The following AIG1 variants were observed in gnomAD, a reference collection of about 807,000 sequenced individuals.
The protein encoded by AIG1 is androgen induced 1, also known as androgen-induced gene 1 protein.
A neutral mutation model predicts 31.4 loss-of-function variants in AIG1; 23 were observed. The observed-to-expected ratio is 0.73, with a 90% CI of 0.53 to 1.04. The LOEUF (loss-of-function observed/expected upper bound fraction) is 1.04. AIG1 is among the 50% of genes least tolerant of loss of function. The pLI is 0.00. For missense variants in AIG1, 274 were observed against 295.0 expected (o/e 0.93, Z 0.52); for synonymous variants, 100 against 110.5 (o/e 0.90, Z 0.60).
intron 1 of AIG1, among the ~76,000 whole-genome samples, chr6:143,102,679 G>A (rs1188307093): frequency 6.6e-6 from 1 of 151,104 alleles, no homozygotes; most frequent in African/African-American, 2.4e-5. Flanking sequence ...AAATAATAGT[G>A]GTTGATATTG....
rs544177252 is a variant in AIG1 at position 143,266,128 on chromosome 6, T to C, written c.400-17982T>C. Reference sequence around the variant, plus strand: ...ACTGTGGGAGGCCGAGGCAGGTGGATCACGAGGTCAGGAGTTCAAGACCAG... The same window carrying C: ...ACTGTGGGAGGCCGAGGCAGGTGGACCACGAGGTCAGGAGTTCAAGACCAG... On this transcript the variant is annotated intron_variant, in intron 3 of 5. Transcript: ENST00000357847. Among the ~76,000 whole-genome samples, 8 of 152,204 alleles carry C rather than the reference T, an allele frequency of 5.3e-5. No individual in the cohort carries two copies. In the South Asian group the frequency reaches 1.5e-3, roughly 28 times the overall value.
At chr6:143,142,657 G>A (rs1320794915) in intron 2 of AIG1, among the ~76,000 whole-genome samples, 2 of 152,040 alleles carry the variant, frequency 1.3e-5, no homozygotes, top group African/African-American at 2.4e-5. Flanking sequence ...TTAACTTTTC[G>A]GAAATTTGAC....
intron 1 of AIG1, among the ~76,000 whole-genome samples, chr6:143,073,941 G>A (rs1241478625): frequency 6.6e-6 from 1 of 152,172 alleles, no homozygotes; most frequent in East Asian, 1.9e-4. Context: ...CAACATTGGG[G>A]ATTACATTTC....
intron 3 of AIG1, among the ~76,000 whole-genome samples, chr6:143,199,891 G>C (rs576775035): frequency 6.6e-6 from 1 of 152,262 alleles, no homozygotes; most frequent in South Asian, 2.1e-4. Flanking sequence ...GAGTTTCCTG[G>C]ATTAGATATT....
chr6:143,147,415 T>A (rs1298128692), intron 2 of AIG1, among the ~76,000 whole-genome samples: 1 of 152,084 alleles, frequency 6.6e-6, no homozygotes, highest in Non-Finnish European at 1.5e-5. Flanking sequence ...TGCCACTTGA[T>A]CCTAAGGACA....
At chr6:143,178,267 A>G (rs1214492367) in intron 3 of AIG1, among the ~76,000 whole-genome samples, 1 of 152,180 alleles carries the variant, frequency 6.6e-6, no homozygotes, top group East Asian at 1.9e-4. Context: ...GGGATGTCCC[A>G]GGGACCCCAA....
At chr6:143,227,957 A>G (rs1793136546) in intron 3 of AIG1, among the ~76,000 whole-genome samples, 1 of 152,114 alleles carries the variant, frequency 6.6e-6, no homozygotes, top group African/African-American at 2.4e-5. Context: ...TACCTCCCTT[A>G]ACCTCCTCTC....
chr6:143,295,859 G>A (rs1343728231), intron 4 of AIG1, among the ~76,000 whole-genome samples: 1 of 152,030 alleles, frequency 6.6e-6, no homozygotes, highest in African/African-American at 2.4e-5. Flanking sequence ...AAGAGAATTA[G>A]CACTTCAAAT....
chr6:143,250,683 C>A (rs374183058), intron 3 of AIG1, among the ~76,000 whole-genome samples: 2 of 152,060 alleles, frequency 1.3e-5, no homozygotes, highest in African/African-American at 4.8e-5. Context: ...AGTGACGCCG[C>A]TACAAGCCAA....
intron 3 of AIG1, among the ~76,000 whole-genome samples, chr6:143,212,156 T>C (rs1791644441): frequency 6.6e-6 from 1 of 152,102 alleles, no homozygotes. Flanking sequence ...TCTCAAGACA[T>C]TGCTGAATGT....
chr6:143,324,419 T>C (rs963852997), intron 4 of AIG1, among the ~76,000 whole-genome samples: 1 of 152,338 alleles, frequency 6.6e-6, no homozygotes, highest in African/African-American at 2.4e-5. Flanking sequence ...AAAAAAACTT[T>C]ACAGGGAGAT....
rs1226963250 is a variant in AIG1, at chr6:143,278,849, CTA to C, written c.400-5260_400-5259del. 2.0e-5 allele frequency among the ~76,000 whole-genome samples: 3 copies of C among 152,134 alleles called. No homozygotes were observed. The East Asian group carries it at 5.8e-4, about 29-fold the overall frequency. Reference sequence around the variant, plus strand: ...CAGATAGGGGAGGCCTCAAAATAATCTAATAAGATTAATTCATTTTTATTGTA... The same window carrying C: ...CAGATAGGGGAGGCCTCAAAATAATCATAAGATTAATTCATTTTTATTGTA... On this transcript the variant is annotated intron_variant, in intron 3 of 5. Transcript: ENST00000357847.
At chr6:143,192,846 A>G (rs780942750) in intron 3 of AIG1, among the ~76,000 whole-genome samples, 2 of 152,242 alleles carry the variant, frequency 1.3e-5, no homozygotes, top group Non-Finnish European at 2.9e-5. Flanking sequence ...CAAATTTACA[A>G]GGAATAATGA....
chr6:143,198,510 A>G (rs1583484879), intron 3 of AIG1, among the ~76,000 whole-genome samples: 1 of 152,244 alleles, frequency 6.6e-6, no homozygotes, highest in Non-Finnish European at 1.5e-5. Context: ...TTTACATTCT[A>G]TCTTAAGATA....
chr6:143,236,377 G>T (rs959391152), intron 3 of AIG1, among the ~76,000 whole-genome samples: 10 of 152,232 alleles, frequency 6.6e-5, no homozygotes, highest in Non-Finnish European at 1.3e-4. Context: ...TCGTTGTTCT[G>T]GAGTCAGGAG....
chr6:143,207,253 C>T (rs1463033138), intron 3 of AIG1, among the ~76,000 whole-genome samples: 3 of 152,048 alleles, frequency 2.0e-5, no homozygotes, highest in African/African-American at 7.3e-5. Flanking sequence ...CATGTCCCAA[C>T]TATACAGTCC....
chr6:143,312,112 A>G (rs1367924845), intron 4 of AIG1, among the ~76,000 whole-genome samples: 1 of 152,108 alleles, frequency 6.6e-6, no homozygotes, highest in Non-Finnish European at 1.5e-5. Context: ...AAGAATAAAT[A>G]TTATTAAAAT....
chr6:143,304,786 G>A (rs1799124503), intron 4 of AIG1, among the ~76,000 whole-genome samples: 1 of 152,206 alleles, frequency 6.6e-6, no homozygotes, highest in East Asian at 1.9e-4. Flanking sequence ...GATTGGAATA[G>A]TTTCAGAAGG....
At chr6:143,269,793 C>T (rs1352344498) in intron 3 of AIG1, among the ~76,000 whole-genome samples, 1 of 152,130 alleles carries the variant, frequency 6.6e-6, no homozygotes, top group Non-Finnish European at 1.5e-5. Flanking sequence ...TGTTTGAAGT[C>T]AGAGTGGTGG....
Sources: allele counts gnomAD v4.1 joint callset (sites outside exome capture counted in the v4.1 genomes callset), GRCh38; gene constraint gnomAD v4.1.1; transcripts MANE v1.5; gene names NCBI Gene and HGNC (gene_info 2026-07-23, HGNC 2026-07-21).